Variants in ZMIZ1 observed in about 807,000 individuals in gnomAD.
ZMIZ1 encodes the protein zinc finger MIZ domain-containing protein 1.
A neutral mutation model predicts 113.9 loss-of-function variants in ZMIZ1; 17 were observed. The observed-to-expected ratio is 0.15, with a 90% CI of 0.10 to 0.22. The LOEUF (loss-of-function observed/expected upper bound fraction) is 0.22. ZMIZ1 is among the 10% of genes least tolerant of loss of function. The pLI is 1.00. For missense variants in ZMIZ1, 1,059 were observed against 1,477.8 expected, an observed-to-expected ratio of 0.72 and a Z score of 4.65; for synonymous variants, 607 against 603.1, an observed-to-expected ratio of 1.01 and a Z score of -0.09.
At chr10:79,113,695 C>A (rs1843853264) in intron 1 of ZMIZ1, among the ~76,000 whole-genome samples, 1 of 152,166 alleles carries the variant, frequency 6.6e-6, no homozygotes, top group African/African-American at 2.4e-5. Context: ...GTGTGATTTT[C>A]TGCTCCCCCT....
chr10:79,201,811 G>A (rs562281311), intron 5 of ZMIZ1, 119 bp downstream of exon 5: 25 of 1,110,778 alleles, frequency 2.3e-5, no homozygotes, highest in South Asian at 1.1e-4. Context: ...CCTACCTATC[G>A]AGGCCGTTAT....
Position 79,300,717 on chromosome 10 carries a change from T to C in ZMIZ1, c.1809-15T>C, listed in dbSNP as rs1250549. The C allele has an allele frequency of 0.49, 792,406 of 1,610,622 alleles. 198,914 individuals are homozygous for C. The highest frequency in any genetic ancestry group is 0.69 in the East Asian group (31,080 of 44,768). On this transcript the variant is annotated splice_polypyrimidine_tract_variant and intron_variant, in intron 16 of 24. Transcript: ENST00000334512. Reference sequence around the variant, plus strand: ...CCTGGCAGAGCTGCCCTGAGCACCCTCGTTCCCCACCTAGGTCTGACCTGG... The same window carrying C: ...CCTGGCAGAGCTGCCCTGAGCACCCCCGTTCCCCACCTAGGTCTGACCTGG...
At chr10:79,209,990 C>T (rs975576041) in intron 6 of ZMIZ1, among the ~76,000 whole-genome samples, 1 of 152,236 alleles carries the variant, frequency 6.6e-6, no homozygotes. Context: ...CGGGCCAAAT[C>T]GAGCAGCCAC....
chr10:79,270,041 C>T (rs1433060676), intron 7 of ZMIZ1, among the ~76,000 whole-genome samples: 2 of 152,244 alleles, frequency 1.3e-5, no homozygotes, highest in African/African-American at 2.4e-5. Flanking sequence ...TTTGGTCAGC[C>T]AGTCCTGGGC....
intron 21 of ZMIZ1, among the ~76,000 whole-genome samples, chr10:79,305,854 C>T (rs551939427): frequency 1.1e-4 from 16 of 152,194 alleles, no homozygotes; most frequent in Non-Finnish European, 2.1e-4. Flanking sequence ...ACCTGCTGCT[C>T]CCCACGAGGG....
chr10:79,168,905 A>C (rs1846483090), intron 4 of ZMIZ1, among the ~76,000 whole-genome samples: 1 of 152,176 alleles, frequency 6.6e-6, no homozygotes, highest in Admixed American at 6.5e-5. Context: ...GGAGAGCAGG[A>C]AATTTATGGT....
rs2296426 is a variant in ZMIZ1 at position 79,304,091 on chromosome 10, G to A, written c.2202G>A (p.Thr734=). 495 of 1,614,196 alleles carry A rather than the reference G, an allele frequency of 3.1e-4. 2 individuals are homozygous for A. In the East Asian group the frequency reaches 9.6e-3, roughly 31 times the overall value. The change falls in exon 19 of 25, where the codon ACG becomes ACA. Residue 734 remains threonine (T), a synonymous_variant. Coordinates refer to ENST00000334512, the MANE Select transcript of ZMIZ1 (RefSeq NM_020338.4). ...TLNGEDGVEQ[T]AIKVSLKCPI... ...ACGGGGAGGATGGGGTGGAGCAGAC[G>A]GCCATCAAGGTGTCTCTGAAGTGCC... is the stretch of plus-strand genomic sequence containing the variant.
intron 7 of ZMIZ1, among the ~76,000 whole-genome samples, chr10:79,256,258 C>T (rs1021062729): frequency 2.6e-5 from 4 of 152,318 alleles, no homozygotes; most frequent in African/African-American, 7.2e-5. Flanking sequence ...TGGGGGGCCT[C>T]CTCAGCTCCC....
At chr10:79,252,516 A>C in intron 7 of ZMIZ1, among the ~76,000 whole-genome samples, 2 of 151,706 alleles carry the variant, frequency 1.3e-5, no homozygotes, top group African/African-American at 4.8e-5. Context: ...CCTGGCCGAG[A>C]CTCACTTCCC....
intron 7 of ZMIZ1, among the ~76,000 whole-genome samples, chr10:79,253,502 G>A (rs1031359177): frequency 6.6e-6 from 1 of 152,172 alleles, no homozygotes; most frequent in African/African-American, 2.4e-5. Flanking sequence ...CGTTTCTAGA[G>A]TGCTTCAGAG....
rs574241733 is a variant in ZMIZ1 at position 79,092,195 on chromosome 10, G to C, written c.-337+22925G>C. 2.2e-4 allele frequency among the ~76,000 whole-genome samples: 34 copies of C among 152,346 alleles called. No homozygotes were observed. The South Asian group carries it at 6.2e-3, about 28-fold the overall frequency. On this transcript the variant is annotated intron_variant, in intron 1 of 24. Transcript: ENST00000334512. ...TTCTGCAACTCCACCCAGCCTGTCT[G>C]CCTGCTGCTGTGAGGAGTGCTGGAG...
chr10:79,300,128 C>T (rs554069666), intron 16 of ZMIZ1, among the ~76,000 whole-genome samples: 1 of 152,232 alleles, frequency 6.6e-6, no homozygotes, highest in Non-Finnish European at 1.5e-5. Flanking sequence ...GGACAGAGGT[C>T]CCTGGCACGG....
At chr10:79,298,291 C>T (rs1254435860) in intron 14 of ZMIZ1, 115 bp from the exon 15 acceptor site, 2 of 1,204,158 alleles carry the variant, frequency 1.7e-6, no homozygotes, top group African/African-American at 1.6e-5. Context: ...AGGAGGCTCT[C>T]CTCCCGAGGG....
chr10:79,126,663 A>G (rs1844523981), intron 2 of ZMIZ1, among the ~76,000 whole-genome samples: 1 of 152,306 alleles, frequency 6.6e-6, no homozygotes, highest in African/African-American at 2.4e-5. Context: ...AAAGAAGGTT[A>G]TATTTTGCTT....
intron 3 of ZMIZ1, among the ~76,000 whole-genome samples, chr10:79,158,772 C>T (rs1261230588): frequency 6.6e-6 from 1 of 152,230 alleles, no homozygotes; most frequent in African/African-American, 2.4e-5. Context: ...GGGAACCCCT[C>T]TTAGTCCCAG....
chr10:79,147,365 GAC>G (rs1845533789), intron 3 of ZMIZ1, among the ~76,000 whole-genome samples: 1 of 152,198 alleles, frequency 6.6e-6, no homozygotes, highest in Admixed American at 6.5e-5. Context: ...AGCCGAGAAA[GAC>G]AGAGTCCTCA....
chr10:79,239,044 T>A (rs528599397), intron 7 of ZMIZ1, among the ~76,000 whole-genome samples: 6 of 152,264 alleles, frequency 3.9e-5, no homozygotes, highest in African/African-American at 1.4e-4. Context: ...CCCTTTCATC[T>A]TAAAGACTAA....
intron 3 of ZMIZ1, among the ~76,000 whole-genome samples, chr10:79,144,458 A>G (rs1274748650): frequency 6.6e-6 from 1 of 152,176 alleles, no homozygotes; most frequent in Non-Finnish European, 1.5e-5. Context: ...GCCTAGGGCC[A>G]CGCAGCAAGT....
chr10:79,263,184 G>A (rs573140308), intron 7 of ZMIZ1, among the ~76,000 whole-genome samples: 13 of 152,248 alleles, frequency 8.5e-5, no homozygotes, highest in Non-Finnish European at 1.2e-4. Context: ...CTTACAACAC[G>A]TGTTTCCAGA....
Sources: allele counts gnomAD v4.1 joint callset (sites outside exome capture counted in the v4.1 genomes callset), GRCh38; gene constraint gnomAD v4.1.1; transcripts MANE v1.5; gene names NCBI Gene and HGNC (gene_info 2026-07-23, HGNC 2026-07-21).